The following RGMA variants were observed in gnomAD, a reference collection of about 807,000 sequenced individuals.
The protein encoded by RGMA is repulsive guidance molecule A.
Under a neutral mutation model 23.2 loss-of-function variants are expected in RGMA, and 10 were observed. That is an observed-to-expected ratio of 0.43 (90% CI 0.27 to 0.73). The LOEUF is 0.73. Ranked by LOEUF, RGMA falls within the 30% of genes least tolerant of loss-of-function variation. RGMA has a pLI of 0.20. For synonymous variants in RGMA, 308 were observed against 279.3 expected, an observed-to-expected ratio of 1.10 and a Z score of -1.03; for missense variants, 547 against 630.5, an observed-to-expected ratio of 0.87 and a Z score of 1.42.
chr15:93,088,276 TGTACCCTG>T, intron 1 of RGMA: 1 of 985,304 alleles, frequency 1.0e-6, no homozygotes, highest in African/African-American at 1.7e-5. Flanking sequence ...TGCCCGGGCT[TGTACCCTG>T]GGTTGAGCTG....
chr15:93,066,081 G>T lies in RGMA; in HGVS notation c.130+6835C>A. ...GTGGGGCAACTGAGGGAGGCCGGGGGATGAATCGGCGAAACTTACGTAGGT... is the reference window on the plus strand; with the variant it reads ...GTGGGGCAACTGAGGGAGGCCGGGGTATGAATCGGCGAAACTTACGTAGGT... On this transcript the variant is annotated intron_variant, in intron 2 of 3. Coordinates refer to ENST00000329082, the MANE Select transcript of RGMA (RefSeq NM_020211.3). 7 of 1,518,754 alleles carry T rather than the reference G, an allele frequency of 4.6e-6. No individual in the cohort carries two copies. The African/African-American group carries it at 8.2e-5, about 18-fold the overall frequency. The allele number at this position is 1,518,754 out of a possible 1,614,324, so 94.1% of individuals were successfully genotyped here. A position where few individuals can be genotyped will look rare whatever the true frequency, so the allele number is the denominator to read the frequency against.
intron 1 of RGMA, among the ~76,000 whole-genome samples, chr15:93,082,595 GCC>G (rs1483142465): frequency 6.6e-6 from 1 of 152,102 alleles, no homozygotes; most frequent in Non-Finnish European, 1.5e-5. Context: ...CCAATAATAT[GCC>G]CCACATGTAG....
rs958289756 is a variant in RGMA at position 93,037,561 on chromosome 15, G to A, written c.*7437C>T. ...ACAGTCCTGCGGTCAGCATGGCCCC[G>A]AGCCAGCTCACCAGGGTAATAAACT... On this transcript the variant is annotated 3_prime_UTR_variant, in exon 4 of 4. Transcript: ENST00000329082. This position sits in a 1 kb window ranked among gnomAD's most constrained non-coding sequence, Gnocchi z 4.3. 9 of 152,218 alleles carry A rather than the reference G, an allele frequency of 5.9e-5. No individual in the cohort carries two copies. Among genetic ancestry groups the A allele is most frequent in the East Asian group, 3.9e-4 (2 of 5,190 alleles). 9.4% of individuals were successfully genotyped at this position (152,218 alleles called of 1,614,324 possible).
chr15:93,088,808 G>A, intron 1 of RGMA, 111 bp downstream of exon 1: 1 of 1,042,792 alleles, frequency 9.6e-7, no homozygotes, highest in Non-Finnish European at 1.4e-6. Context: ...ATGGGAGCAA[G>A]ATGAGACGCG....
rs771654210 is a variant in RGMA, at chr15:93,045,378, T to G, written c.973A>C (p.Ile325Leu). 6.2e-7 allele frequency: 1 copy of G among 1,611,824 alleles called. No homozygotes were observed. The highest frequency in any genetic ancestry group is 1.1e-5 in the South Asian group (1 of 91,004). ...TTGGTGTGGAAGGCCTGGAAGTCGA[T>G]CTGCTGGTTGAGGGGGCAGCCCCGC... ...CLRGCPLNQQ[I>L]DFQAFHTNAE... is the part of the protein sequence containing the mutation. Residue 325 changes from isoleucine (I) to leucine (L), a missense_variant, in exon 4 of 4, where the codon ATC (isoleucine) becomes CTC (leucine). Around this residue, in one of 3 missense-constraint regions of RGMA, gnomAD observed 205 missense variants for 204.1 expected, o/e 1.00. Coordinates refer to ENST00000329082, the MANE Select transcript of RGMA (RefSeq NM_020211.3). The surrounding 1 kb of genome is among the most constrained non-coding windows in gnomAD (Gnocchi z 6.9).
At position 93,044,813 on chromosome 15, in the gene RGMA, C is replaced by A. The variant is rs4411467; in HGVS notation, c.*185G>T. ...TGTCAAACATCATGGCACCAGTCAC[C>A]ACAACCTTGTCACGTGCACTAGAAG... On this transcript the variant is annotated 3_prime_UTR_variant, in exon 4 of 4. Coordinates refer to ENST00000329082, the MANE Select transcript of RGMA (RefSeq NM_020211.3). 0.11 allele frequency: 69,160 copies of A among 606,440 alleles called. 12,835 individuals carry two copies. The highest frequency in any genetic ancestry group is 0.69 in the East Asian group (24,796 of 36,196). The allele number at this position is 606,440 out of a possible 1,614,324, so 37.6% of individuals were successfully genotyped here. A position where few individuals can be genotyped will look rare whatever the true frequency, so the allele number is the denominator to read the frequency against.
intron 2 of RGMA, among the ~76,000 whole-genome samples, chr15:93,055,613 G>T (rs1031528138): frequency 6.6e-6 from 1 of 152,102 alleles, no homozygotes; most frequent in Admixed American, 6.5e-5. Flanking sequence ...TAGCACACCC[G>T]ATTCCCTCCC....
rs2054676321 is a variant in RGMA at position 93,037,721 on chromosome 15, G to A, written c.*7277C>T. Reference sequence around the variant, plus strand: ...TTCTCTGGGCAGATCTGCTTGGCCAGACACATTCTGCTTTGGCTGAACGGC... The same window carrying A: ...TTCTCTGGGCAGATCTGCTTGGCCAAACACATTCTGCTTTGGCTGAACGGC... On this transcript the variant is annotated 3_prime_UTR_variant, in exon 4 of 4. Coordinates refer to ENST00000329082, the MANE Select transcript of RGMA (RefSeq NM_020211.3). The surrounding 1 kb of genome is among the most constrained non-coding windows in gnomAD (Gnocchi z 4.3). The A allele has an allele frequency of 6.6e-6, 1 of 152,282 alleles. No homozygotes were observed. Among genetic ancestry groups the A allele is most frequent in the Admixed American group, 6.5e-5 (1 of 15,274 alleles). 9.4% of individuals were successfully genotyped at this position (152,282 alleles called of 1,614,324 possible). A position where few individuals can be genotyped will look rare whatever the true frequency, so the allele number is the denominator to read the frequency against.
At chr15:93,067,397 G>A (rs1895192535) in intron 2 of RGMA, among the ~76,000 whole-genome samples, 1 of 152,144 alleles carries the variant, frequency 6.6e-6, no homozygotes, top group Non-Finnish European at 1.5e-5. Flanking sequence ...TGCTTGGGGT[G>A]GGTGGAGAAA....
rs573145653 is a variant in RGMA at position 93,044,932 on chromosome 15, C to T, written c.*66G>A. 33 of 1,349,632 alleles carry T rather than the reference C, an allele frequency of 2.4e-5. No individual in the cohort carries two copies. The highest frequency in any genetic ancestry group is 2.6e-4 in the Middle Eastern group (1 of 3,842). 83.6% of individuals were successfully genotyped at this position (1,349,632 alleles called of 1,614,324 possible). On this transcript the variant is annotated 3_prime_UTR_variant, in exon 4 of 4. Transcript: ENST00000329082. Reference sequence around the variant, plus strand: ...CGCCAGGAGATCTGCACCCCGTGGGCGGTCCCAGCCCACACATGGGGAAGC... The same window carrying T: ...CGCCAGGAGATCTGCACCCCGTGGGTGGTCCCAGCCCACACATGGGGAAGC...
rs1895078190 is a variant in RGMA, at chr15:93,064,549, G to C, written c.130+8367C>G. Among the ~76,000 whole-genome samples the C allele has an allele frequency of 2.0e-5, 3 of 152,336 alleles. No individual in the cohort carries two copies. In the East Asian group the frequency reaches 5.8e-4, roughly 29 times the overall value. On this transcript the variant is annotated intron_variant, in intron 2 of 3. Coordinates refer to ENST00000329082, the MANE Select transcript of RGMA (RefSeq NM_020211.3). ...GGGAAGAACAAATGCAAGCCAGCCA[G>C]GCTCCTGCCCAGCCTGCGCACACGC... is the stretch of plus-strand genomic sequence containing the variant.
rs544599316 is a variant in RGMA at position 93,044,996 on chromosome 15, G to A, written c.*2C>T. 7.3e-5 allele frequency: 117 copies of A among 1,596,692 alleles called. 2 individuals are homozygous for A. In the South Asian group the frequency reaches 1.0e-3, roughly 14 times the overall value. On this transcript the variant is annotated 3_prime_UTR_variant, in exon 4 of 4. Coordinates refer to ENST00000329082, the MANE Select transcript of RGMA (RefSeq NM_020211.3). Reference sequence around the variant, plus strand: ...CCCGCGCCTCCCTCCACATCTACGCGTCTAGCAGAACACAGGGAGCAGGGC... The same window carrying A: ...CCCGCGCCTCCCTCCACATCTACGCATCTAGCAGAACACAGGGAGCAGGGC...
intron 2 of RGMA, chr15:93,065,862 C>T: frequency 1.4e-6 from 1 of 738,442 alleles, no homozygotes; most frequent in South Asian, 1.4e-5. Context: ...TCCAATGGGG[C>T]TCTTTGGGCT....
intron 2 of RGMA, among the ~76,000 whole-genome samples, chr15:93,061,310 T>A (rs1464080137): frequency 1.3e-5 from 2 of 152,230 alleles, no homozygotes; most frequent in Middle Eastern, 3.2e-3. Context: ...CCCGCCAGCA[T>A]GCCCAGCTAA....
intron 2 of RGMA, among the ~76,000 whole-genome samples, chr15:93,054,537 C>G (rs2054981810): frequency 6.6e-6 from 1 of 152,196 alleles, no homozygotes; most frequent in African/African-American, 2.4e-5. Flanking sequence ...CCTGCACATG[C>G]TCTCTTGCCT....
rs1259004570 is a variant in RGMA, at chr15:93,044,874, G to A, written c.*124C>T. 1.4e-5 allele frequency: 11 copies of A among 777,496 alleles called. No homozygotes were observed. The highest frequency in any genetic ancestry group is 5.4e-5 in the East Asian group (2 of 37,042). The allele number at this position is 777,496 out of a possible 1,614,324, so 48.2% of individuals were successfully genotyped here. On this transcript the variant is annotated 3_prime_UTR_variant, in exon 4 of 4. Transcript: ENST00000329082. ...CGTGCCTGAGCCCTTGGCAGCAGGCGGTCCCTGGCGTTCTGCGGGGCCATG... is the reference window on the plus strand; with the variant it reads ...CGTGCCTGAGCCCTTGGCAGCAGGCAGTCCCTGGCGTTCTGCGGGGCCATG...
At chr15:93,051,841 C>T in intron 3 of RGMA, 152 bp downstream of exon 3, 1 of 799,812 alleles carries the variant, frequency 1.3e-6, no homozygotes, top group Admixed American at 2.8e-5. Flanking sequence ...GACCCACCCC[C>T]TTGGGATGCT....
rs772994071 is a variant in RGMA at position 93,045,381 on chromosome 15, G to C, written c.970C>G (p.Gln324Glu). 23 of 1,612,408 alleles carry C rather than the reference G, an allele frequency of 1.4e-5. No homozygotes were observed. In the African/African-American group the frequency reaches 2.5e-4, roughly 18 times the overall value. Reference protein sequence around the residue: ...LCLRGCPLNQQIDFQAFHTNA... With the variant: ...LCLRGCPLNQEIDFQAFHTNA... ...GTGTGGAAGGCCTGGAAGTCGATCT[G>C]CTGGTTGAGGGGGCAGCCCCGCAGG... The change falls in exon 4 of 4, where the codon CAG (glutamine) becomes GAG (glutamate). Residue 324 changes from glutamine to glutamate, a missense_variant. This residue lies in a region of RGMA where 205 missense variants were observed against 204.1 expected (regional missense o/e 1.00). Transcript: ENST00000329082. This position sits in a 1 kb window ranked among gnomAD's most constrained non-coding sequence, Gnocchi z 6.9.
At chr15:93,065,023 A>T (rs890156938) in intron 2 of RGMA, among the ~76,000 whole-genome samples, 26 of 151,124 alleles carry the variant, frequency 1.7e-4, no homozygotes, top group Non-Finnish European at 4.4e-5. Context: ...TGTTGCCCAG[A>T]CTGGAGTGCA....
Sources: gnomAD v4.1 joint callset for allele counts (sites outside exome capture counted in the v4.1 genomes callset) on GRCh38, gnomAD v4.1.1 for gene constraint, gnomAD v4.1.1 regional missense constraint, Gnocchi (gnomAD v3.1) non-coding constraint, MANE v1.5 for transcripts, NCBI Gene and HGNC (gene_info 2026-07-23, HGNC 2026-07-21) for gene names.